Variants in CSMD1 observed in about 807,000 individuals in gnomAD.
CSMD1 encodes the protein CUB and Sushi multiple domains 1.
CSMD1 carries 213 observed loss-of-function variants against 417.5 expected under a neutral mutation model. The ratio of observed to expected loss-of-function variants is 0.51; its 90% CI spans 0.46 to 0.57. The LOEUF (loss-of-function observed/expected upper bound fraction) is 0.57, where lower values mean the gene tolerates loss of function less well. Among genes scored for constraint, CSMD1 ranks in the 20% least tolerant of loss-of-function variants. The probability of loss-of-function intolerance (pLI) is 0.00; values close to 1 mark genes in which losing one functional copy is unlikely to be tolerated. For missense variants in CSMD1, 6,923 were observed against 4,529.7 expected, an observed-to-expected ratio of 1.53 and a Z score of -15.17; for synonymous variants, 2,862 against 1,736.8, an observed-to-expected ratio of 1.65 and a Z score of -16.11.
intron 62 of CSMD1, among the ~76,000 whole-genome samples, chr8:2,958,433 A>G (rs1803181350): frequency 6.6e-6 from 1 of 152,192 alleles, no homozygotes; most frequent in Non-Finnish European, 1.5e-5. Flanking sequence ...TCCCCAACGT[A>G]TCTGCTCCAC....
intron 27 of CSMD1, among the ~76,000 whole-genome samples, chr8:3,224,692 A>C (rs536746645): frequency 9.9e-5 from 15 of 152,214 alleles, no homozygotes; most frequent in Non-Finnish European, 1.8e-4. Context: ...ATCAATTTTG[A>C]ATTAAATGTG....
At chr8:4,650,210 T>C (rs368097193) in intron 1 of CSMD1, among the ~76,000 whole-genome samples, 1 of 151,732 alleles carries the variant, frequency 6.6e-6, no homozygotes, top group African/African-American at 2.4e-5. Flanking sequence ...CCGGGTGTGG[T>C]GGCGGGCGCC....
chr8:3,042,317 G>C (rs1811156052), intron 50 of CSMD1, among the ~76,000 whole-genome samples: 1 of 151,948 alleles, frequency 6.6e-6, no homozygotes, highest in South Asian at 2.1e-4. Context: ...TGACCTTTTG[G>C]CCTGAATTAT....
rs571422220 is a variant in CSMD1, at chr8:3,498,529, G to A, written c.1345-4803C>T. The stretch of plus-strand genomic sequence containing the variant: ...GGTGATCTTTGAGCTTCCTGGATCT[G>A]AATGCACATATTTCTCCAAAAATTT... On this transcript the variant is annotated intron_variant, in intron 10 of 69. Transcript: ENST00000635120. Among the ~76,000 whole-genome samples the A allele has an allele frequency of 2.4e-3, 363 of 152,244 alleles. 4 individuals are homozygous for A. Among genetic ancestry groups the A allele is most frequent in the Admixed American group, 3.1e-3 (48 of 15,294 alleles).
intron 7 of CSMD1, among the ~76,000 whole-genome samples, chr8:3,624,218 G>T (rs535558546): frequency 6.6e-6 from 1 of 152,224 alleles, no homozygotes; most frequent in Admixed American, 6.5e-5. Context: ...ATACACATGG[G>T]AAGCCATATG....
At chr8:4,828,880 C>T (rs147767591) in intron 1 of CSMD1, among the ~76,000 whole-genome samples, 26 of 152,206 alleles carry the variant, frequency 1.7e-4, no homozygotes, top group African/African-American at 2.4e-4. Flanking sequence ...TCATGATATG[C>T]GTTCCACATC....
At chr8:4,365,477 T>A (rs1802016778) in intron 3 of CSMD1, among the ~76,000 whole-genome samples, 1 of 152,226 alleles carries the variant, frequency 6.6e-6, no homozygotes, top group South Asian at 2.1e-4. Flanking sequence ...TTTCTCCAAG[T>A]CTACTGGCCT....
chr8:3,673,419 C>T (rs1451064930), intron 7 of CSMD1, among the ~76,000 whole-genome samples: 1 of 152,216 alleles, frequency 6.6e-6, no homozygotes, highest in Admixed American at 6.5e-5. Flanking sequence ...GACGTAGCAT[C>T]AACTCCCCTT....
At position 4,495,442 on chromosome 8, in the gene CSMD1, A is replaced by G. The variant is rs755730482; in HGVS notation, c.303-75377T>C. On this transcript the variant is annotated intron_variant, in intron 2 of 69. Transcript: ENST00000635120. ...TACAGAAAATTAGCTAGGCCTGGTG[A>G]CGTGTGCCTGTAATCCCACCTACTC... is the stretch of plus-strand genomic sequence containing the variant. Among the ~76,000 whole-genome samples, 8 of 152,098 alleles carry G rather than the reference A, an allele frequency of 5.3e-5. No individual in the cohort carries two copies. In the East Asian group the frequency reaches 5.8e-4, roughly 11 times the overall value.
intron 6 of CSMD1, among the ~76,000 whole-genome samples, chr8:3,709,992 C>T (rs1340812722): frequency 2.6e-5 from 4 of 151,830 alleles, no homozygotes; most frequent in Admixed American, 2.0e-4. Context: ...CTGATTATAT[C>T]TTTTGGCTCC....
chr8:3,379,029 G>A (rs546699174), intron 18 of CSMD1, among the ~76,000 whole-genome samples: 1 of 152,316 alleles, frequency 6.6e-6, no homozygotes, highest in East Asian at 1.9e-4. Flanking sequence ...TCCTTAAGCT[G>A]ATAAACAACT....
chr8:4,080,980 A>C (rs975668413), intron 3 of CSMD1, among the ~76,000 whole-genome samples: 2 of 152,142 alleles, frequency 1.3e-5, no homozygotes, highest in Admixed American at 1.3e-4. Context: ...CCCTTATACA[A>C]GAGGCTTCAC....
intron 4 of CSMD1, among the ~76,000 whole-genome samples, chr8:4,017,398 C>T (rs552171169): frequency 2.1e-4 from 32 of 152,248 alleles, no homozygotes; most frequent in Non-Finnish European, 3.5e-4. Flanking sequence ...CTCCGCCTCC[C>T]GGGTTCAATC....
chr8:3,067,385 C>T (rs1208312033), intron 49 of CSMD1, among the ~76,000 whole-genome samples: 1 of 152,128 alleles, frequency 6.6e-6, no homozygotes, highest in Non-Finnish European at 1.5e-5. Context: ...TCCACTGTAG[C>T]TTCCTTGCAG....
At chr8:4,562,380 C>T (rs1354189291) in intron 2 of CSMD1, among the ~76,000 whole-genome samples, 1 of 152,118 alleles carries the variant, frequency 6.6e-6, no homozygotes, top group African/African-American at 2.4e-5. Context: ...AAGACTGAGG[C>T]ATGAACCTAG....
chr8:4,194,082 A>G (rs73658458), intron 3 of CSMD1, among the ~76,000 whole-genome samples: 4,405 of 152,244 alleles, frequency 0.029, 254 homozygotes, highest in African/African-American at 0.1. Context: ...AACAATTTCA[A>G]TCTACTGTAA....
chr8:2,938,846 T>A, intron 69 of CSMD1, 102 bp from the exon 70 acceptor site: 3 of 1,017,240 alleles, frequency 2.9e-6, no homozygotes, highest in Non-Finnish European at 4.3e-6. Flanking sequence ...CAGGGAGCAG[T>A]ATAGCCAGGA....
At chr8:3,557,216 C>G (rs1799196653) in intron 10 of CSMD1, among the ~76,000 whole-genome samples, 1 of 152,152 alleles carries the variant, frequency 6.6e-6, no homozygotes, top group Admixed American at 6.5e-5. Context: ...TGTATTAGTA[C>G]AACATATTTG....
rs145591272 is a variant in CSMD1, at chr8:4,257,243, T to C, written c.415+162710A>G. 2.0e-3 allele frequency among the ~76,000 whole-genome samples: 301 copies of C among 152,328 alleles called. 1 individual carries two copies. Among genetic ancestry groups the C allele is most frequent in the African/African-American group, 6.9e-3 (285 of 41,566 alleles). The stretch of plus-strand genomic sequence containing the variant: ...AAGAGACTAATACTATTCTGCCATG[T>C]ATTTTAATTTTATTATACCAGTCTT... On this transcript the variant is annotated intron_variant, in intron 3 of 69. Coordinates refer to ENST00000635120, the MANE Select transcript of CSMD1 (RefSeq NM_033225.6).
Sources: allele counts gnomAD v4.1 joint callset (sites outside exome capture counted in the v4.1 genomes callset), GRCh38; gene constraint gnomAD v4.1.1; transcripts MANE v1.5; gene names NCBI Gene and HGNC (gene_info 2026-07-23, HGNC 2026-07-21).